The following GLCCI1 variants were observed in gnomAD, a reference collection of about 807,000 sequenced individuals.
The protein encoded by GLCCI1 is glucocorticoid-induced transcript 1 protein.
In GLCCI1, 24 loss-of-function variants were observed where a neutral mutation model predicts 52.2. That is an observed-to-expected ratio of 0.46 (90% CI 0.33 to 0.65). The LOEUF (loss-of-function observed/expected upper bound fraction) is 0.65, where lower values mean the gene tolerates loss of function less well. GLCCI1 is among the 30% of genes least tolerant of loss of function. The probability of loss-of-function intolerance (pLI) is 0.02; values close to 1 mark genes in which losing one functional copy is unlikely to be tolerated. For synonymous variants in GLCCI1, 310 were observed against 276.5 expected, an observed-to-expected ratio of 1.12 and a Z score of -1.20; for missense variants, 704 against 701.5, an observed-to-expected ratio of 1.00 and a Z score of -0.04.
intron 5 of GLCCI1, among the ~76,000 whole-genome samples, chr7:8,067,316 T>C (rs1782650532): frequency 6.6e-6 from 1 of 152,214 alleles, no homozygotes. Flanking sequence ...CTGTTTAGTC[T>C]TGCTTCTTTA....
intron 1 of GLCCI1, chr7:7,981,046 A>G (rs1583942639): frequency 2.1e-6 from 1 of 484,340 alleles, no homozygotes; most frequent in South Asian, 1.6e-5. Flanking sequence ...AAAAGAAGCT[A>G]AAACTCAGGC....
At chr7:8,056,443 C>A (rs1782399539) in intron 4 of GLCCI1, among the ~76,000 whole-genome samples, 1 of 152,130 alleles carries the variant, frequency 6.6e-6, no homozygotes, top group Non-Finnish European at 1.5e-5. Context: ...GTTCCTTTAC[C>A]CATCTTTCTC....
chr7:8,004,335 A>C (rs2115427284), intron 2 of GLCCI1: 1 of 245,056 alleles, frequency 4.1e-6, no homozygotes, highest in East Asian at 7.7e-5. Flanking sequence ...TTCCAATACA[A>C]ATTAAAATGA....
At chr7:7,979,510 A>T (rs1447668112) in intron 1 of GLCCI1, among the ~76,000 whole-genome samples, 1 of 152,150 alleles carries the variant, frequency 6.6e-6, no homozygotes, top group Non-Finnish European at 1.5e-5. Flanking sequence ...CTTTCATTAG[A>T]TGAAGCTTGA....
intron 1 of GLCCI1, among the ~76,000 whole-genome samples, chr7:8,001,030 C>G (rs1781040875): frequency 6.6e-6 from 1 of 152,088 alleles, no homozygotes; most frequent in Non-Finnish European, 1.5e-5. Context: ...GGCATTTAGC[C>G]CATTTACATT....
chr7:8,056,507 C>T (rs528056374), intron 4 of GLCCI1, among the ~76,000 whole-genome samples: 13 of 152,276 alleles, frequency 8.5e-5, no homozygotes, highest in African/African-American at 2.9e-4. Flanking sequence ...TGAGGATTAA[C>T]ATTTTTATTT....
chr7:8,048,240 T>G (rs753626692), intron 3 of GLCCI1, among the ~76,000 whole-genome samples: 4 of 152,168 alleles, frequency 2.6e-5, no homozygotes, highest in Non-Finnish European at 4.4e-5. Flanking sequence ...TCTGGGTTAG[T>G]GTATCTCTTA....
chr7:8,065,680 T>C lies in GLCCI1; in HGVS notation c.967-5241T>C, dbSNP rs1302317223. On this transcript the variant is annotated intron_variant, in intron 5 of 7. Transcript: ENST00000223145. ...ATAATTATGTGGTTTCCGTTTTTAGTTCTATTTGATGAATCACATTTATTG... is the reference window on the plus strand; with the variant it reads ...ATAATTATGTGGTTTCCGTTTTTAGCTCTATTTGATGAATCACATTTATTG... Among the ~76,000 whole-genome samples, 2 of 152,146 alleles carry C rather than the reference T, an allele frequency of 1.3e-5. 1 individual carries two copies. The highest frequency in any genetic ancestry group is 4.1e-4 in the South Asian group (2 of 4,838).
chr7:8,030,474 C>G (rs1207768120), intron 3 of GLCCI1, among the ~76,000 whole-genome samples: 2 of 152,086 alleles, frequency 1.3e-5, no homozygotes, highest in Admixed American at 1.3e-4. Context: ...GGACATTGGT[C>G]AGGGCAAACA....
intron 3 of GLCCI1, among the ~76,000 whole-genome samples, chr7:8,034,066 A>G (rs934826547): frequency 1.3e-5 from 2 of 152,188 alleles, no homozygotes; most frequent in African/African-American, 4.8e-5. Context: ...TTATAGGTAA[A>G]TGGAACAAAA....
At chr7:8,003,778 A>G (rs1414037892) in intron 1 of GLCCI1, 130 bp from the exon 2 acceptor site, 1 of 686,952 alleles carries the variant, frequency 1.5e-6, no homozygotes, top group Non-Finnish European at 2.4e-6. Context: ...ATCATACAAC[A>G]GGGCTATTAG....
intron 2 of GLCCI1, 31 bp from the exon 3 acceptor site, chr7:8,022,452 C>T (rs777346309): frequency 8.2e-7 from 1 of 1,223,338 alleles, no homozygotes; most frequent in Non-Finnish European, 1.1e-6. Flanking sequence ...GATAAAATTT[C>T]TTATTTTATT....
At chr7:7,992,803 T>C (rs1428629192) in intron 1 of GLCCI1, among the ~76,000 whole-genome samples, 2 of 152,120 alleles carry the variant, frequency 1.3e-5, no homozygotes, top group Non-Finnish European at 2.9e-5. Flanking sequence ...CCATTTCCTA[T>C]TTCTGTTAAG....
intron 1 of GLCCI1, among the ~76,000 whole-genome samples, chr7:8,003,390 A>G (rs28375221): frequency 0.43 from 65,070 of 151,496 alleles, 14,171 homozygotes; most frequent in Middle Eastern, 0.5. Context: ...CAGGCCATTC[A>G]TGTGACGCTT....
intron 2 of GLCCI1, among the ~76,000 whole-genome samples, chr7:8,015,682 C>T (rs1781364086): frequency 1.3e-5 from 2 of 152,040 alleles, no homozygotes; most frequent in Non-Finnish European, 2.9e-5. Context: ...GGAATATACT[C>T]AGTTATATTA....
intron 3 of GLCCI1, among the ~76,000 whole-genome samples, chr7:8,029,652 T>C (rs778877709): frequency 6.6e-6 from 1 of 151,784 alleles, no homozygotes. Flanking sequence ...TATAATCTTA[T>C]ATCTGGAAAA....
intron 6 of GLCCI1, among the ~76,000 whole-genome samples, chr7:8,081,352 T>G (rs1034028269): frequency 8.5e-5 from 13 of 152,206 alleles, no homozygotes; most frequent in African/African-American, 3.1e-4. Context: ...ATTGCTTGTT[T>G]TAGAATCAAT....
chr7:8,046,544 C>T (rs1490376310), intron 3 of GLCCI1, among the ~76,000 whole-genome samples: 1 of 152,170 alleles, frequency 6.6e-6, no homozygotes, highest in East Asian at 1.9e-4. Flanking sequence ...GTTTGGTTTC[C>T]ATAACTTCTT....
At chr7:7,981,080 A>T (rs574728379) in intron 1 of GLCCI1, 1 of 472,156 alleles carries the variant, frequency 2.1e-6, no homozygotes, top group African/African-American at 2.1e-5. Flanking sequence ...ATGGTGGGAG[A>T]CCTACCTGAT....
Sources: allele counts gnomAD v4.1 joint callset (sites outside exome capture counted in the v4.1 genomes callset), GRCh38; gene constraint gnomAD v4.1.1; transcripts MANE v1.5; gene names NCBI Gene and HGNC (gene_info 2026-07-23, HGNC 2026-07-21).